The following ARFIP1 variants were observed in gnomAD, a reference collection of about 807,000 sequenced individuals.
ARFIP1 encodes the protein ARF interacting protein 1, also known as arfaptin-1.
Under a neutral mutation model 42.5 loss-of-function variants are expected in ARFIP1, and 24 were observed. The ratio of observed to expected loss-of-function variants is 0.57; its 90% CI spans 0.41 to 0.80. ARFIP1 has a LOEUF of 0.80. Ranked by LOEUF, ARFIP1 falls within the 30% of genes least tolerant of loss-of-function variation. The probability of loss-of-function intolerance (pLI) is 0.00; values close to 1 mark genes in which losing one functional copy is unlikely to be tolerated. For missense variants in ARFIP1, 354 were observed against 434.0 expected, an observed-to-expected ratio of 0.82 and a Z score of 1.64; for synonymous variants, 141 against 153.7, an observed-to-expected ratio of 0.92 and a Z score of 0.61.
intron 1 of ARFIP1, among the ~76,000 whole-genome samples, chr4:152,814,103 T>G (rs904894944): frequency 3.3e-5 from 5 of 149,994 alleles, no homozygotes; most frequent in Non-Finnish European, 5.9e-5. Context: ...TCTTCTTTTT[T>G]TTTTTTTTTT....
At chr4:152,839,469 T>C (rs1731895677) in intron 2 of ARFIP1, among the ~76,000 whole-genome samples, 1 of 152,190 alleles carries the variant, frequency 6.6e-6, no homozygotes, top group Non-Finnish European at 1.5e-5. Context: ...TTGTTATTGA[T>C]CTGCTCGGGG....
intron 1 of ARFIP1, 25 bp from the exon 2 acceptor site, chr4:152,829,600 C>T (rs761009754): frequency 1.5e-5 from 22 of 1,510,732 alleles, no homozygotes; most frequent in East Asian, 4.5e-5. Context: ...TTAGTTACGG[C>T]GCTTTTTTTC....
chr4:152,788,041 C>T (rs980343751), intron 1 of ARFIP1, among the ~76,000 whole-genome samples: 10 of 152,118 alleles, frequency 6.6e-5, no homozygotes, highest in African/African-American at 2.4e-4. Context: ...GCCTGGCCAA[C>T]ATGGTGAAAC....
chr4:152,901,294 T>C (rs1402619361), intron 8 of ARFIP1, among the ~76,000 whole-genome samples: 2 of 152,348 alleles, frequency 1.3e-5, no homozygotes, highest in East Asian at 1.9e-4. Flanking sequence ...TATTGATACA[T>C]GCTGTGTAGG....
At chr4:152,791,800 T>C (rs751632112) in intron 1 of ARFIP1, among the ~76,000 whole-genome samples, 9 of 152,170 alleles carry the variant, frequency 5.9e-5, no homozygotes, top group Non-Finnish European at 1.3e-4. Context: ...GTGATATTAT[T>C]CAACAGAAAG....
At chr4:152,790,809 C>T (rs1291513276) in intron 1 of ARFIP1, among the ~76,000 whole-genome samples, 2 of 141,598 alleles carry the variant, frequency 1.4e-5, no homozygotes, top group Non-Finnish European at 3.0e-5. Context: ...TCTCGGCTTA[C>T]TGCAACCTCT....
chr4:152,902,413 G>A (rs934081425), intron 8 of ARFIP1, among the ~76,000 whole-genome samples: 1 of 152,138 alleles, frequency 6.6e-6, no homozygotes, highest in African/African-American at 2.4e-5. Flanking sequence ...GAGGTAGGAG[G>A]ATCACTTGAA....
chr4:152,889,485 C>G (rs1736540400), intron 8 of ARFIP1, among the ~76,000 whole-genome samples: 1 of 106,068 alleles, frequency 9.4e-6, no homozygotes, highest in Non-Finnish European at 1.8e-5. Flanking sequence ...CATAAGATTG[C>G]ATTCATTTTA....
rs1379132684 is a variant in ARFIP1 at position 152,910,951 on chromosome 4, T to C, written c.*732T>C. The C allele has an allele frequency of 6.7e-6, 1 of 149,496 alleles. No individual in the cohort carries two copies. The highest frequency in any genetic ancestry group is 1.5e-5 in the Non-Finnish European group (1 of 66,910). 9.3% of individuals were successfully genotyped at this position (149,496 alleles called of 1,614,324 possible). On this transcript the variant is annotated 3_prime_UTR_variant, in exon 9 of 9. Transcript: ENST00000353617. ...TCATAACAAAACCTGCTTAAGAGAA[T>C]TTTTTTTTTTGACAGGTGGACGTGG...
intron 2 of ARFIP1, among the ~76,000 whole-genome samples, chr4:152,831,636 A>G (rs535743243): frequency 6.6e-6 from 1 of 152,180 alleles, no homozygotes; most frequent in Non-Finnish European, 1.5e-5. Flanking sequence ...CTCTATAATC[A>G]TAAATTGCTT....
intron 1 of ARFIP1, 121 bp from the exon 2 acceptor site, chr4:152,829,504 G>C: frequency 1.7e-6 from 1 of 574,746 alleles, no homozygotes. Flanking sequence ...TATTATACAA[G>C]TATTTGGTAG....
chr4:152,817,641 G>T (rs11737278), intron 1 of ARFIP1, among the ~76,000 whole-genome samples: 2 of 152,042 alleles, frequency 1.3e-5, no homozygotes, highest in Admixed American at 6.5e-5. Context: ...TGCATCAAAG[G>T]ACACAACAGA....
intron 8 of ARFIP1, among the ~76,000 whole-genome samples, chr4:152,905,364 T>A (rs991644506): frequency 1.1e-4 from 17 of 151,998 alleles, no homozygotes; most frequent in African/African-American, 4.1e-4. Context: ...TGGTCAAGGT[T>A]TTTTAATTTT....
chr4:152,784,281 A>C (rs1205829674), intron 1 of ARFIP1, among the ~76,000 whole-genome samples: 1 of 152,210 alleles, frequency 6.6e-6, no homozygotes, highest in African/African-American at 2.4e-5. Context: ...GATCTTTAGT[A>C]GCTTTTGGCA....
intron 7 of ARFIP1, among the ~76,000 whole-genome samples, chr4:152,887,525 G>A (rs1736361976): frequency 6.6e-6 from 1 of 151,990 alleles, no homozygotes. Flanking sequence ...CTCTCCAAAT[G>A]TAAAGTACCT....
At chr4:152,852,597 C>G (rs1055983200) in intron 2 of ARFIP1, among the ~76,000 whole-genome samples, 3 of 150,424 alleles carry the variant, frequency 2.0e-5, no homozygotes, top group African/African-American at 7.4e-5. Flanking sequence ...CACGCCATTG[C>G]ACTACAGCCA....
At chr4:152,780,429 C>T (rs879461521) in intron 1 of ARFIP1, among the ~76,000 whole-genome samples, 4 of 152,168 alleles carry the variant, frequency 2.6e-5, no homozygotes, top group Non-Finnish European at 5.9e-5. Flanking sequence ...AGTGTGCCCC[C>T]GAAACAGTCG....
chr4:152,823,834 C>T (rs1730593030), intron 1 of ARFIP1, among the ~76,000 whole-genome samples: 1 of 142,022 alleles, frequency 7.0e-6, no homozygotes, highest in African/African-American at 2.6e-5. Flanking sequence ...TGAAATTTTT[C>T]CAAAAACTCG....
At chr4:152,843,571 A>G (rs892138533) in intron 2 of ARFIP1, among the ~76,000 whole-genome samples, 2 of 152,056 alleles carry the variant, frequency 1.3e-5, no homozygotes, top group East Asian at 1.9e-4. Context: ...AGCTCAAACT[A>G]TCCCTGGGCG....
Sources: gnomAD v4.1 joint callset for allele counts (sites outside exome capture counted in the v4.1 genomes callset) on GRCh38, gnomAD v4.1.1 for gene constraint, MANE v1.5 for transcripts, NCBI Gene and HGNC (gene_info 2026-07-23, HGNC 2026-07-21) for gene names.